Variants in KCNIP2 observed in about 807,000 individuals in gnomAD.
KCNIP2 encodes the protein A-type potassium channel modulatory protein KCNIP2.
KCNIP2 carries 19 observed loss-of-function variants against 39.0 expected under a neutral mutation model. The observed-to-expected ratio is 0.49, with a 90% CI of 0.34 to 0.71. KCNIP2 has a LOEUF of 0.71. Among genes scored for constraint, KCNIP2 ranks in the 30% least tolerant of loss-of-function variants. KCNIP2 has a pLI of 0.01. For missense variants in KCNIP2, 261 were observed against 346.0 expected (o/e 0.75, Z 1.95); for synonymous variants, 111 against 131.2 (o/e 0.85, Z 1.05).
chr10:101,830,348 G>A, intron 2 of KCNIP2: 3 of 1,212,928 alleles, frequency 2.5e-6, no homozygotes, highest in Non-Finnish European at 3.2e-6. Context: ...CATCCTGTCG[G>A]GGCATAGGCA....
Position 101,828,532 on chromosome 10 carries a change from C to T in KCNIP2, c.419-73G>A. On this transcript the variant is annotated intron_variant, in intron 5 of 9. Coordinates refer to ENST00000356640, the MANE Select transcript of KCNIP2 (RefSeq NM_173191.3). This position sits in a 1 kb window ranked among gnomAD's most constrained non-coding sequence, Gnocchi z 6.6. ...CCTCCCTCTAAGGAGCTCCCCATACCCCCCATCACCTTGGCATTCCCAGCT... is the reference window on the plus strand; with the variant it reads ...CCTCCCTCTAAGGAGCTCCCCATACTCCCCATCACCTTGGCATTCCCAGCT... 1 of 1,595,588 alleles carries T rather than the reference C, an allele frequency of 6.3e-7. No homozygotes were observed. Among genetic ancestry groups the T allele is most frequent in the Non-Finnish European group, 8.6e-7 (1 of 1,164,572 alleles).
In KCNIP2 at chr10:101,828,593, G is replaced by A. The variant is rs1430263008; in HGVS notation, c.418+34C>T. 4.4e-6 allele frequency: 7 copies of A among 1,609,082 alleles called. No homozygotes were observed. In the East Asian group the frequency reaches 1.1e-4, roughly 26 times the overall value. The stretch of plus-strand genomic sequence containing the variant: ...CCCTCCCTCCCTCAGCCTAGAGAAG[G>A]ACAACTGCTTCCCCTTGGGCCTTGT... On this transcript the variant is annotated intron_variant, in intron 5 of 9. Transcript: ENST00000356640. This position sits in a 1 kb window ranked among gnomAD's most constrained non-coding sequence, Gnocchi z 6.6.
At chr10:101,840,753 A>AC (rs2066307428) in intron 1 of KCNIP2, among the ~76,000 whole-genome samples, 1 of 151,548 alleles carries the variant, frequency 6.6e-6, no homozygotes, top group Non-Finnish European at 1.5e-5. Context: ...GGTGAGAATG[A>AC]CCTCCTAACT....
Position 101,827,958 on chromosome 10 carries a change from C to G in KCNIP2, c.633G>C (p.Met211Ile), listed in dbSNP as rs1399328063. 1.2e-6 allele frequency: 2 copies of G among 1,614,086 alleles called. No homozygotes were observed. The highest frequency in any genetic ancestry group is 1.7e-6 in the Non-Finnish European group (2 of 1,179,964). ...GTGCAGGGTACGTGTACTTGCCCATCATGTCATAGATGGACTTCATGATGT... is the reference window on the plus strand; with the variant it reads ...GTGCAGGGTACGTGTACTTGCCCATGATGTCATAGATGGACTTCATGATGT... Reference protein sequence around the residue: ...MLDIMKSIYDMMGKYTYPALR... With the variant: ...MLDIMKSIYDIMGKYTYPALR... Residue 211 changes from methionine (M) to isoleucine (I), a missense_variant, in exon 8 of 10, where the codon ATG (methionine) becomes ATC (isoleucine). By Grantham distance (10) the Met-to-Ile change is conservative. Coordinates refer to ENST00000356640, the MANE Select transcript of KCNIP2 (RefSeq NM_173191.3).
chr10:101,840,070 T>G (rs1451230900), intron 1 of KCNIP2, among the ~76,000 whole-genome samples: 5,976 of 49,836 alleles, frequency 0.12, 18 homozygotes, highest in Middle Eastern at 0.16. Context: ...GGGGGGGGGG[T>G]GGCGGGGAGG....
rs568354065 is a variant in KCNIP2 at position 101,838,898 on chromosome 10, G to A, written c.73+4598C>T. On this transcript the variant is annotated intron_variant, in intron 1 of 9. Transcript: ENST00000356640. This position sits in a 1 kb window ranked among gnomAD's most constrained non-coding sequence, Gnocchi z 4.0. ...TACAGAGGAGACGTTGCGTTCTATG[G>A]GCCCTGCCCAAGCAGTCATAAGGAA... Among the ~76,000 whole-genome samples, 12 of 152,288 alleles carry A rather than the reference G, an allele frequency of 7.9e-5. No individual in the cohort carries two copies. Among genetic ancestry groups the A allele is most frequent in the African/African-American group, 2.9e-4 (12 of 41,562 alleles).
Position 101,828,390 on chromosome 10 carries a change from T to G in KCNIP2, c.488A>C (p.Glu163Ala). The stretch of plus-strand genomic sequence containing the variant: ...CCTGGCCCACCTCGCCCAGCTCACC[T>G]CAAAACTGACCGAGCCATCATGGTT... ...DTNHDGSVSF[E>A]DFVAGLSVIL... The change falls in exon 6 of 10, where the codon GAG becomes GCG. Residue 163 changes from glutamate (E) to alanine (A), a missense_variant and splice_region_variant. Coordinates refer to ENST00000356640, the MANE Select transcript of KCNIP2 (RefSeq NM_173191.3). The surrounding 1 kb of genome is among the most constrained non-coding windows in gnomAD (Gnocchi z 6.6). 6.2e-7 allele frequency: 1 copy of G among 1,614,000 alleles called. No individual in the cohort carries two copies. The highest frequency in any genetic ancestry group is 1.1e-5 in the South Asian group (1 of 91,048).
At chr10:101,836,260 A>G (rs1240067649) in intron 1 of KCNIP2, among the ~76,000 whole-genome samples, 1 of 147,670 alleles carries the variant, frequency 6.8e-6, no homozygotes, top group Non-Finnish European at 1.5e-5. Context: ...CGCTTCACAC[A>G]GGCTTTTTTT....
At chr10:101,832,325 TG>T (rs1162629360) in intron 1 of KCNIP2, among the ~76,000 whole-genome samples, 58 of 151,656 alleles carry the variant, frequency 3.8e-4, no homozygotes, top group Non-Finnish European at 6.9e-4. Flanking sequence ...TGTGTGTGTG[TG>T]TGTGTGTGTG....
chr10:101,833,976 ACCT>A (rs752545246), intron 1 of KCNIP2, among the ~76,000 whole-genome samples: 2 of 148,162 alleles, frequency 1.3e-5, no homozygotes, highest in Non-Finnish European at 3.0e-5. Flanking sequence ...GAATCCCCTC[ACCT>A]CCTCATCTCC....
Position 101,843,426 on chromosome 10 carries a change from C to A in KCNIP2, c.73+70G>T. The stretch of plus-strand genomic sequence containing the variant: ...GTGTGGGTGCGGGCCAGGCCGGGGT[C>A]GGAGAGGCGGAAGGGTCTGGAGGAA... On this transcript the variant is annotated intron_variant, in intron 1 of 9. Transcript: ENST00000356640. This position sits in a 1 kb window ranked among gnomAD's most constrained non-coding sequence, Gnocchi z 6.7. 1 of 1,040,542 alleles carries A rather than the reference C, an allele frequency of 9.6e-7. No homozygotes were observed. The highest frequency in any genetic ancestry group is 2.2e-5 in the South Asian group (1 of 45,318). The allele number at this position is 1,040,542 out of a possible 1,614,324, so 64.5% of individuals were successfully genotyped here.
intron 1 of KCNIP2, among the ~76,000 whole-genome samples, chr10:101,836,912 G>T (rs1178972190): frequency 6.6e-6 from 1 of 151,786 alleles, no homozygotes; most frequent in Non-Finnish European, 1.5e-5. Flanking sequence ...AGTGAGCCGA[G>T]ATCACGCCAC....
chr10:101,839,895 G>A, intron 1 of KCNIP2: 1 of 1,514,870 alleles, frequency 6.6e-7, no homozygotes, highest in South Asian at 1.3e-5. Flanking sequence ...GGGGCGGTCC[G>A]GTCTCCGCCC....
chr10:101,841,959 C>T (rs1413558708), intron 1 of KCNIP2, among the ~76,000 whole-genome samples: 2 of 152,260 alleles, frequency 1.3e-5, no homozygotes, highest in Admixed American at 6.5e-5. Flanking sequence ...CTCTGAGGCA[C>T]ATCTGGCATG....
chr10:101,830,672 T>C (rs2065944490), intron 2 of KCNIP2, among the ~76,000 whole-genome samples: 1 of 144,856 alleles, frequency 6.9e-6, no homozygotes, highest in African/African-American at 2.6e-5. Context: ...CTCGCCACGC[T>C]GGTCACGCCC....
chr10:101,826,251 T>C lies in KCNIP2; in HGVS notation c.*1102A>G, dbSNP rs1292660886. 1 of 152,366 alleles carries C rather than the reference T, an allele frequency of 6.6e-6. No individual in the cohort carries two copies. The highest frequency in any genetic ancestry group is 1.5e-5 in the Non-Finnish European group (1 of 68,000). 9.4% of individuals were successfully genotyped at this position (152,366 alleles called of 1,614,324 possible). A position where few individuals can be genotyped will look rare whatever the true frequency, so the allele number is the denominator to read the frequency against. ...TGCTAAGGGGCATCTCTGGGTAGAT[T>C]GAGTCAAGCAAGAAGAGACCCTAGG... is the stretch of plus-strand genomic sequence containing the variant. On this transcript the variant is annotated 3_prime_UTR_variant, in exon 10 of 10. Transcript: ENST00000356640.
chr10:101,830,439 A>G, intron 2 of KCNIP2: 1 of 1,292,182 alleles, frequency 7.7e-7, no homozygotes, highest in Non-Finnish European at 1.0e-6. Flanking sequence ...TAAGCCACAT[A>G]CAGACCCTCA....
rs1193868208 is a variant in KCNIP2 at position 101,843,590 on chromosome 10, G to C, written c.-22C>G. On this transcript the variant is annotated 5_prime_UTR_variant, in exon 1 of 10. Coordinates refer to ENST00000356640, the MANE Select transcript of KCNIP2 (RefSeq NM_173191.3). The surrounding 1 kb of genome is among the most constrained non-coding windows in gnomAD (Gnocchi z 6.7). ...GCATGGCCCCCGGCGCCCCGCTCCC[G>C]CCCGGGCCGTGGGAGGGGGCGCCGG... 5 of 1,440,086 alleles carry C rather than the reference G, an allele frequency of 3.5e-6. No individual in the cohort carries two copies. The highest frequency in any genetic ancestry group is 3.0e-5 in the African/African-American group (2 of 66,130). 89.2% of individuals were successfully genotyped at this position (1,440,086 alleles called of 1,614,324 possible). A position where few individuals can be genotyped will look rare whatever the true frequency, so the allele number is the denominator to read the frequency against.
intron 1 of KCNIP2, among the ~76,000 whole-genome samples, chr10:101,840,548 GCA>G (rs1256187796): frequency 1.8e-5 from 1 of 57,022 alleles, no homozygotes; most frequent in African/African-American, 6.9e-5. Flanking sequence ...AGCCCCCCCC[GCA>G]CCCCCCCCCC....
Sources: gnomAD v4.1 joint callset for allele counts (sites outside exome capture counted in the v4.1 genomes callset) on GRCh38, gnomAD v4.1.1 for gene constraint, Gnocchi (gnomAD v3.1) non-coding constraint, MANE v1.5 for transcripts, NCBI Gene and HGNC (gene_info 2026-07-23, HGNC 2026-07-21) for gene names.